Variants in UNC80 observed in about 807,000 individuals in gnomAD.
UNC80 encodes the protein unc-80 subunit of NALCN channel complex.
UNC80 carries 164 observed loss-of-function variants against 384.6 expected under a neutral mutation model. The observed-to-expected ratio is 0.43, with a 90% CI of 0.38 to 0.49. The LOEUF (loss-of-function observed/expected upper bound fraction) is 0.49. Ranked by LOEUF, UNC80 falls within the 20% of genes least tolerant of loss-of-function variation. The pLI, the probability that UNC80 is intolerant of heterozygous loss-of-function variation, is 0.00. For synonymous variants in UNC80, 1,486 were observed against 1,527.8 expected (o/e 0.97, Z 0.64); for missense variants, 3,330 against 4,143.0 (o/e 0.80, Z 5.39).
chr2:209,923,407 G>T (rs562603625), intron 35 of UNC80, among the ~76,000 whole-genome samples: 1 of 152,262 alleles, frequency 6.6e-6, no homozygotes, highest in South Asian at 2.1e-4. Context: ...TATGTGTTAT[G>T]TTATGAGTTA....
At position 209,957,617 on chromosome 2, in the gene UNC80, C is replaced by T. The variant is rs943528725; in HGVS notation, c.7458-27C>T. The T allele has an allele frequency of 4.0e-6, 6 of 1,517,782 alleles. No homozygotes were observed. In the African/African-American group the frequency reaches 8.3e-5, roughly 21 times the overall value. The allele number at this position is 1,517,782 out of a possible 1,614,324, so 94.0% of individuals were successfully genotyped here. A position where few individuals can be genotyped will look rare whatever the true frequency, so the allele number is the denominator to read the frequency against. On this transcript the variant is annotated intron_variant, in intron 48 of 64. Transcript: ENST00000673920. Reference sequence around the variant, plus strand: ...CATTTCTGTTGTTGTTGTTGTTTTGCTGTGGTGATTACTGTCATTGTTACA... The same window carrying T: ...CATTTCTGTTGTTGTTGTTGTTTTGTTGTGGTGATTACTGTCATTGTTACA...
In UNC80 at chr2:209,917,745, A is replaced by G. The variant is rs751895444; in HGVS notation, c.5030-32A>G. 1.9e-6 allele frequency: 3 copies of G among 1,550,208 alleles called. No homozygotes were observed. In the South Asian group the frequency reaches 3.6e-5, roughly 18 times the overall value. On this transcript the variant is annotated intron_variant, in intron 31 of 64. Coordinates refer to ENST00000673920, the MANE Select transcript of UNC80 (RefSeq NM_001371986.1). ...CCCAGGAACTAAGCAATATTTTAAA[A>G]GCATAGCTGATGAATTGTTGACTGT...
At chr2:209,984,731 C>T (rs2093244745) in intron 60 of UNC80, 125 bp from the exon 61 acceptor site, 1 of 900,078 alleles carries the variant, frequency 1.1e-6, no homozygotes. Context: ...CCTTTTCCTT[C>T]CTTGTTCGGT....
intron 13 of UNC80, among the ~76,000 whole-genome samples, chr2:209,822,860 G>T (rs572255285): frequency 6.6e-6 from 1 of 152,150 alleles, no homozygotes; most frequent in South Asian, 2.1e-4. Flanking sequence ...ATCAGTATGG[G>T]ATTTTTAAAG....
chr2:209,947,579 C>T (rs931245822), intron 47 of UNC80, among the ~76,000 whole-genome samples: 1 of 152,114 alleles, frequency 6.6e-6, no homozygotes, highest in African/African-American at 2.4e-5. Flanking sequence ...TCCATTCTGT[C>T]AGTTTAAACC....
chr2:209,782,806 C>T (rs2077223226), intron 4 of UNC80, among the ~76,000 whole-genome samples: 1 of 151,676 alleles, frequency 6.6e-6, no homozygotes, highest in Non-Finnish European at 1.5e-5. Context: ...TAATTTTAGA[C>T]CAAATTTAAT....
intron 4 of UNC80, among the ~76,000 whole-genome samples, chr2:209,779,759 G>A (rs906007599): frequency 2.6e-5 from 4 of 152,184 alleles, no homozygotes; most frequent in African/African-American, 9.7e-5. Flanking sequence ...AAATGGAGAG[G>A]ACAGGAAACA....
At position 209,777,537 on chromosome 2, in the gene UNC80, CT is replaced by C. The variant is rs749223874; in HGVS notation, c.579del (p.Leu195TrpfsTer39). 2.5e-6 allele frequency: 4 copies of C among 1,611,662 alleles called. No individual in the cohort carries two copies. In the African/African-American group the frequency reaches 5.3e-5, roughly 22 times the overall value. ...ATVELFVFLFAPLVHRIKESD... is the reference protein window; with the variant it reads ...ATVELFVFLFXPLVHRIKESD... ...GTGGAGCTCTTCGTGTTTCTGTTTG[CT>C]CCCCTGGTACACAGGATCAAGGTAA... On this transcript the variant is annotated frameshift_variant, in exon 4 of 65. Transcript: ENST00000673920. LOFTEE classifies it high-confidence loss of function.
intron 7 of UNC80, among the ~76,000 whole-genome samples, chr2:209,813,363 C>G (rs1299666797): frequency 1.3e-5 from 2 of 152,194 alleles, no homozygotes; most frequent in East Asian, 3.9e-4. Flanking sequence ...TAATTCCTAT[C>G]CATCCTTCAA....
intron 38 of UNC80, among the ~76,000 whole-genome samples, chr2:209,933,059 C>G (rs1300902893): frequency 6.6e-6 from 1 of 152,170 alleles, no homozygotes; most frequent in Non-Finnish European, 1.5e-5. Flanking sequence ...AAAATTTACA[C>G]TATTTCTTTC....
intron 22 of UNC80, among the ~76,000 whole-genome samples, chr2:209,856,335 G>T (rs1201722208): frequency 6.6e-6 from 1 of 151,934 alleles, no homozygotes. Flanking sequence ...AAGATTATAG[G>T]TGATGTCAAT....
intron 60 of UNC80, among the ~76,000 whole-genome samples, chr2:209,984,030 T>TAA (rs1184284109): frequency 1.1e-4 from 17 of 152,168 alleles, no homozygotes; most frequent in Non-Finnish European, 2.1e-4. Context: ...TTTAGTTCTC[T>TAA]CCAATTTAAC....
chr2:209,990,286 C>T (rs1437154190), intron 61 of UNC80, among the ~76,000 whole-genome samples: 2 of 152,084 alleles, frequency 1.3e-5, no homozygotes, highest in South Asian at 2.1e-4. Flanking sequence ...TTTTCTCTGC[C>T]CTATTATTTT....
In UNC80 at chr2:209,821,720, T is replaced by C. The variant is rs576470654; in HGVS notation, c.2331+1041T>C. On this transcript the variant is annotated intron_variant, in intron 13 of 64. Transcript: ENST00000673920. The stretch of plus-strand genomic sequence containing the variant: ...AACATCAAGAATTGGTTTTCTTTTT[T>C]AATTTTAAATACAAATTACTACAGC... Among the ~76,000 whole-genome samples the C allele has an allele frequency of 2.6e-3, 392 of 152,334 alleles. 2 individuals are homozygous for C. Among genetic ancestry groups the C allele is most frequent in the Non-Finnish European group, 4.7e-3 (321 of 68,032 alleles).
chr2:209,793,696 A>G, intron 6 of UNC80, 24 bp from the exon 7 acceptor site: 1 of 1,610,850 alleles, frequency 6.2e-7, no homozygotes, highest in Non-Finnish European at 8.5e-7. Flanking sequence ...ACAAAACCTA[A>G]TCTGCTATCT....
intron 64 of UNC80, among the ~76,000 whole-genome samples, chr2:209,994,597 T>G (rs2093451762): frequency 6.6e-6 from 1 of 152,060 alleles, no homozygotes; most frequent in African/African-American, 2.4e-5. Context: ...TTCAGAAAAA[T>G]TTGAAACTTT....
chr2:209,928,222 GC>G (rs1471844797), intron 36 of UNC80, among the ~76,000 whole-genome samples: 1 of 152,090 alleles, frequency 6.6e-6, no homozygotes, highest in Non-Finnish European at 1.5e-5. Flanking sequence ...TGTAATCCCA[GC>G]TACTCATGAG....
chr2:209,905,912 G>A (rs1455364750), intron 29 of UNC80, among the ~76,000 whole-genome samples: 1 of 152,192 alleles, frequency 6.6e-6, no homozygotes, highest in Non-Finnish European at 1.5e-5. Flanking sequence ...CCCTGAACAG[G>A]CGTCACAGCC....
At chr2:209,864,951 G>C (rs2083611935) in intron 22 of UNC80, among the ~76,000 whole-genome samples, 1 of 152,240 alleles carries the variant, frequency 6.6e-6, no homozygotes, top group Non-Finnish European at 1.5e-5. Flanking sequence ...TTCTGGGGTT[G>C]CGATGCTAGG....
Sources: allele counts gnomAD v4.1 joint callset (sites outside exome capture counted in the v4.1 genomes callset), GRCh38; gene constraint gnomAD v4.1.1; transcripts MANE v1.5; gene names NCBI Gene and HGNC (gene_info 2026-07-23, HGNC 2026-07-21).